ATP13A5: variants seen among roughly 807,000 people sequenced by gnomAD.
The protein encoded by ATP13A5 is ATPase 13A5, also known as probable cation-transporting ATPase 13A5.
ATP13A5 carries 149 observed loss-of-function variants against 150.2 expected under a neutral mutation model. That is an observed-to-expected ratio of 0.99 (90% CI 0.87 to 1.14). The LOEUF is 1.14. Ranked by LOEUF, ATP13A5 falls within the 50% of genes most tolerant of loss-of-function variation. The probability of loss-of-function intolerance (pLI) is 0.00; values close to 1 mark genes in which losing one functional copy is unlikely to be tolerated. For synonymous variants in ATP13A5, 497 were observed against 522.2 expected (o/e 0.95, Z 0.66); for missense variants, 1,383 against 1,449.3 (o/e 0.95, Z 0.74).
At position 193,322,484 on chromosome 3, in the gene ATP13A5, A is replaced by G; in HGVS notation, c.1758+7T>C. On this transcript the variant is annotated splice_region_variant and intron_variant, in intron 15 of 29. Coordinates refer to ENST00000342358, the MANE Select transcript of ATP13A5 (RefSeq NM_198505.4). ...AGAGCTATGTGATGTAAAGAAGGAA[A>G]TCATACCTTACTGGCTTTTGGTCCT... 6.2e-7 allele frequency: 1 copy of G among 1,608,164 alleles called. No homozygotes were observed. The highest frequency in any genetic ancestry group is 2.2e-5 in the East Asian group (1 of 44,838).
At chr3:193,344,123 T>A in intron 8 of ATP13A5, 68 bp from the exon 9 acceptor site, 7 of 1,560,484 alleles carry the variant, frequency 4.5e-6, no homozygotes, top group Non-Finnish European at 5.2e-6. Context: ...TGAAGGCAAC[T>A]AAGAATCCTT....
intron 9 of ATP13A5, among the ~76,000 whole-genome samples, chr3:193,336,389 C>T (rs1047919807): frequency 2.5e-4 from 38 of 152,064 alleles, no homozygotes; most frequent in Non-Finnish European, 4.7e-4. Context: ...CCTCCCCACT[C>T]CCCCCACCTC....
At chr3:193,359,619 G>A (rs1038360412) in intron 5 of ATP13A5, among the ~76,000 whole-genome samples, 3 of 152,192 alleles carry the variant, frequency 2.0e-5, no homozygotes, top group African/African-American at 7.2e-5. Flanking sequence ...CTAAATCAAC[G>A]GGGAGCCTCT....
At chr3:193,302,118 A>G (rs2108840668) in intron 23 of ATP13A5, among the ~76,000 whole-genome samples, 1 of 152,250 alleles carries the variant, frequency 6.6e-6, no homozygotes, top group African/African-American at 2.4e-5. Context: ...AGCAATCCAC[A>G]TGGGACGTGA....
intron 6 of ATP13A5, 123 bp from the exon 7 acceptor site, chr3:193,351,324 A>G: frequency 8.5e-7 from 1 of 1,182,500 alleles, no homozygotes; most frequent in Non-Finnish European, 1.2e-6. Context: ...CTAATATTTA[A>G]GAATTCACTT....
intron 1 of ATP13A5, among the ~76,000 whole-genome samples, chr3:193,373,808 C>A (rs1323526381): frequency 6.6e-6 from 1 of 152,202 alleles, no homozygotes; most frequent in African/African-American, 2.4e-5. Flanking sequence ...GGTTTGCTCT[C>A]TCAGAGTCCA....
At chr3:193,337,153 G>A (rs1711908789) in intron 9 of ATP13A5, among the ~76,000 whole-genome samples, 1 of 152,158 alleles carries the variant, frequency 6.6e-6, no homozygotes, top group Non-Finnish European at 1.5e-5. Context: ...TGTCAGATGA[G>A]TAGGTTGCAA....
rs960971086 is a variant in ATP13A5, at chr3:193,377,300, T to G, written c.63+1363A>C. 1.4e-4 allele frequency among the ~76,000 whole-genome samples: 21 copies of G among 152,208 alleles called. 1 individual carries two copies. Among genetic ancestry groups the G allele is most frequent in the Admixed American group, 1.2e-3 (19 of 15,274 alleles). On this transcript the variant is annotated intron_variant, in intron 1 of 29. Transcript: ENST00000342358. The stretch of plus-strand genomic sequence containing the variant: ...TAAAGTGCTGTGCTATTGTCAAGCT[T>G]AGCGTGCTACAATAATGCAAGCCAC...
At chr3:193,293,529 T>C (rs1253859537) in intron 25 of ATP13A5, among the ~76,000 whole-genome samples, 1 of 152,064 alleles carries the variant, frequency 6.6e-6, no homozygotes, top group Non-Finnish European at 1.5e-5. Context: ...ACATTCTGTT[T>C]CTTACTAAAC....
chr3:193,366,632 A>C (rs1472530887), intron 1 of ATP13A5, among the ~76,000 whole-genome samples: 2 of 152,042 alleles, frequency 1.3e-5, no homozygotes, highest in African/African-American at 2.4e-5. Context: ...ATTTAAATCT[A>C]CTCTCATCAT....
chr3:193,321,692 C>G lies in ATP13A5; in HGVS notation c.1904G>C (p.Arg635Thr), dbSNP rs1437064346. Reference protein sequence around the residue: ...GAPEMVARFCRSETVPKNFPQ... With the variant: ...GAPEMVARFCTSETVPKNFPQ... ...AAAAGTGTTAGTACCTGTTTCAGAT[C>G]TGCAGAACCTGGCCACCATTTCTGG... The change falls in exon 16 of 30, where the codon AGA becomes ACA. Residue 635 changes from arginine (R) to threonine (T), a missense_variant. Arg to Thr is a moderately conservative substitution (Grantham distance 71). This residue lies in a region of ATP13A5 where 787 missense variants were observed against 771.9 expected (regional missense o/e 1.02). Coordinates refer to ENST00000342358, the MANE Select transcript of ATP13A5 (RefSeq NM_198505.4). 3 of 1,613,984 alleles carry G rather than the reference C, an allele frequency of 1.9e-6. No homozygotes were observed. In the East Asian group the frequency reaches 6.7e-5, roughly 36 times the overall value.
chr3:193,361,026 G>A (rs1712987690), intron 5 of ATP13A5, among the ~76,000 whole-genome samples: 1 of 152,098 alleles, frequency 6.6e-6, no homozygotes, highest in Non-Finnish European at 1.5e-5. Context: ...GAAGTTTGGT[G>A]CTTGATAAAT....
At chr3:193,286,021 C>T (rs1717709553) in intron 26 of ATP13A5, among the ~76,000 whole-genome samples, 1 of 152,068 alleles carries the variant, frequency 6.6e-6, no homozygotes. Flanking sequence ...GTTAGATTTA[C>T]AATAAATTTT....
intron 25 of ATP13A5, among the ~76,000 whole-genome samples, chr3:193,297,073 C>G (rs918818890): frequency 6.6e-5 from 10 of 152,036 alleles, no homozygotes; most frequent in African/African-American, 2.4e-4. Context: ...ACATGTTTAC[C>G]TATGTGACAA....
At chr3:193,371,302 G>A (rs1382001476) in intron 1 of ATP13A5, among the ~76,000 whole-genome samples, 1 of 152,222 alleles carries the variant, frequency 6.6e-6, no homozygotes, top group South Asian at 2.1e-4. Context: ...CTTTGCAGAT[G>A]AGCATCTATC....
chr3:193,374,331 T>C (rs559859875), intron 1 of ATP13A5, among the ~76,000 whole-genome samples: 18 of 146,240 alleles, frequency 1.2e-4, no homozygotes, highest in Non-Finnish European at 2.5e-4. Context: ...ATTCCATGGG[T>C]GCATAAGTGT....
chr3:193,286,446 TTGTCTC>T (rs556018861), intron 26 of ATP13A5, among the ~76,000 whole-genome samples: 78 of 152,304 alleles, frequency 5.1e-4, no homozygotes, highest in African/African-American at 1.7e-3. Context: ...TGTGCTCACT[TTGTCTC>T]TGTGTCACAT....
At chr3:193,275,384 T>C (rs1162978763) in intron 29 of ATP13A5, 82 bp from the exon 30 acceptor site, 2 of 1,501,090 alleles carry the variant, frequency 1.3e-6, no homozygotes, top group East Asian at 4.5e-5. Flanking sequence ...AGCCACCTCC[T>C]TTCCCCAGGC....
intron 22 of ATP13A5, 175 bp downstream of exon 22, chr3:193,307,152 T>C: frequency 6.9e-7 from 1 of 1,442,546 alleles, no homozygotes; most frequent in Middle Eastern, 2.4e-4. Context: ...AAGTGTCTCA[T>C]CTCCCTTTAC....
Sources: gnomAD v4.1 joint callset for allele counts (sites outside exome capture counted in the v4.1 genomes callset) on GRCh38, gnomAD v4.1.1 for gene constraint, gnomAD v4.1.1 regional missense constraint, MANE v1.5 for transcripts, NCBI Gene and HGNC (gene_info 2026-07-23, HGNC 2026-07-21) for gene names.